Variants in PDK1 observed in about 807,000 individuals in gnomAD.
The protein encoded by PDK1 is pyruvate dehydrogenase kinase 1.
A neutral mutation model predicts 54.2 loss-of-function variants in PDK1; 39 were observed. The ratio of observed to expected loss-of-function variants is 0.72; its 90% CI spans 0.56 to 0.94. The LOEUF is 0.94. Among genes scored for constraint, PDK1 ranks in the 40% least tolerant of loss-of-function variants. PDK1 has a pLI of 0.00. For missense variants in PDK1, 552 were observed against 566.0 expected (o/e 0.98, Z 0.25); for synonymous variants, 221 against 207.1 (o/e 1.07, Z -0.58).
chr2:172,718,575 T>C, the PDK1 span, among the ~76,000 whole-genome samples: 1 of 152,228 alleles, frequency 6.6e-6, no homozygotes, highest in African/African-American at 2.4e-5. Flanking sequence ...TGTGATGTAG[T>C]ATATTGTAGG....
chr2:172,706,697 G>C, the PDK1 span, among the ~76,000 whole-genome samples: 1 of 152,168 alleles, frequency 6.6e-6, no homozygotes, highest in East Asian at 1.9e-4. Flanking sequence ...CCAAAGTGCT[G>C]GGATTACAGA....
the PDK1 span, among the ~76,000 whole-genome samples, chr2:172,621,850 C>T: frequency 0.93 from 106,388 of 114,306 alleles, 49,877 homozygotes; most frequent in Middle Eastern, 0.96. Context: ...ATGTATGATA[C>T]ATGTTTATAT....
Position 172,606,748 on chromosome 2 carries a change from A to C in PDK1, c.*10779A>C, listed in dbSNP as rs987536296. Reference sequence around the variant, plus strand: ...TCTTTCCTTTTTTTTTTAAAAAAAAAAAAAAACCTTTTTCATGTTGAAGTT... The same window carrying C: ...TCTTTCCTTTTTTTTTTAAAAAAAACAAAAAACCTTTTTCATGTTGAAGTT... On this transcript the variant is annotated 3_prime_UTR_variant, in exon 11 of 11. Transcript: ENST00000282077. 24 of 151,928 alleles carry C rather than the reference A, an allele frequency of 1.6e-4. No homozygotes were observed. Among genetic ancestry groups the C allele is most frequent in the African/African-American group, 5.8e-4 (24 of 41,320 alleles). The allele number at this position is 151,928 out of a possible 1,614,324, so 9.4% of individuals were successfully genotyped here. A position where few individuals can be genotyped will look rare whatever the true frequency, so the allele number is the denominator to read the frequency against.
intron 8 of PDK1, among the ~76,000 whole-genome samples, chr2:172,582,105 G>A (rs984350474): frequency 6.6e-6 from 1 of 152,112 alleles, no homozygotes; most frequent in Non-Finnish European, 1.5e-5. Context: ...TAGAGACAGA[G>A]TTTCACCATG....
the PDK1 span, among the ~76,000 whole-genome samples, chr2:172,657,480 TATGTGCAGG>T: frequency 7.4e-6 from 1 of 134,908 alleles, no homozygotes; most frequent in African/African-American, 2.6e-5. Context: ...TGGTTTTTAT[TATGTGCAGG>T]TTGTATTATT....
chr2:172,662,971 T>G, the PDK1 span, among the ~76,000 whole-genome samples: 1 of 152,298 alleles, frequency 6.6e-6, no homozygotes, highest in African/African-American at 2.4e-5. Flanking sequence ...GTGCCTGATG[T>G]GGGGACATAT....
At chr2:172,574,337 C>CT (rs1480165720) in intron 8 of PDK1, among the ~76,000 whole-genome samples, 1 of 152,160 alleles carries the variant, frequency 6.6e-6, no homozygotes, top group African/African-American at 2.4e-5. Context: ...ATGATTGTAG[C>CT]TTTAAGTTTT....
At chr2:172,576,619 AT>A (rs1178460426) in intron 8 of PDK1, among the ~76,000 whole-genome samples, 2 of 151,806 alleles carry the variant, frequency 1.3e-5, no homozygotes, top group Non-Finnish European at 2.9e-5. Flanking sequence ...TACAACTATA[AT>A]TTTACTTTAA....
the PDK1 span, among the ~76,000 whole-genome samples, chr2:172,716,535 G>T: frequency 3.9e-5 from 6 of 151,982 alleles, no homozygotes; most frequent in African/African-American, 1.4e-4. Flanking sequence ...ATGTTGGTCA[G>T]GTTGGTCTCA....
At position 172,572,421 on chromosome 2, in the gene PDK1, C is replaced by T. The variant is rs541155842; in HGVS notation, c.945+1597C>T. 3.9e-5 allele frequency among the ~76,000 whole-genome samples: 6 copies of T among 152,132 alleles called. No individual in the cohort carries two copies. In the Middle Eastern group the frequency reaches 0.01, roughly 259 times the overall value. ...TCATTTTAGAACATTTTCATCAGTC[C>T]TAAGAAAAAACCCAAGTACTCCGTC... is the stretch of plus-strand genomic sequence containing the variant. On this transcript the variant is annotated intron_variant, in intron 8 of 10. Transcript: ENST00000282077.
In PDK1 at chr2:172,599,743, C is replaced by T. The variant is rs370457002; in HGVS notation, c.*3774C>T. 9 of 152,134 alleles carry T rather than the reference C, an allele frequency of 5.9e-5. No homozygotes were observed. Among genetic ancestry groups the T allele is most frequent in the African/African-American group, 1.9e-4 (8 of 41,422 alleles). The allele number at this position is 152,134 out of a possible 1,614,324, so 9.4% of individuals were successfully genotyped here. A position where few individuals can be genotyped will look rare whatever the true frequency, so the allele number is the denominator to read the frequency against. ...AAAGAATTGAACATATGTACCACCC[C>T]CCTCTTTCTAGAGTCTCCACAGTTC... On this transcript the variant is annotated 3_prime_UTR_variant, in exon 11 of 11. Transcript: ENST00000282077.
chr2:172,559,500 T>G (rs866739035), intron 2 of PDK1, among the ~76,000 whole-genome samples: 3 of 152,252 alleles, frequency 2.0e-5, no homozygotes, highest in Non-Finnish European at 4.4e-5. Context: ...TTCAACAACC[T>G]TGCACAGTGG....
chr2:172,662,749 T>C, the PDK1 span, among the ~76,000 whole-genome samples: 1 of 152,152 alleles, frequency 6.6e-6, no homozygotes, highest in Non-Finnish European at 1.5e-5. Flanking sequence ...AGCTAAATAA[T>C]ACATCCTTTT....
chr2:172,711,365 A>G, the PDK1 span, among the ~76,000 whole-genome samples: 1 of 152,310 alleles, frequency 6.6e-6, no homozygotes, highest in African/African-American at 2.4e-5. Context: ...TACATTTCCA[A>G]ATAAAGTAAC....
chr2:172,634,392 C>T, the PDK1 span, among the ~76,000 whole-genome samples: 3 of 150,334 alleles, frequency 2.0e-5, no homozygotes, highest in Non-Finnish European at 4.4e-5. Context: ...CCTGCCTCAG[C>T]CTCCTGAGCA....
chr2:172,654,933 T>A, the PDK1 span, among the ~76,000 whole-genome samples: 2 of 152,154 alleles, frequency 1.3e-5, no homozygotes, highest in African/African-American at 4.8e-5. Flanking sequence ...GCCTGTGAGC[T>A]GCAGGGGATT....
the PDK1 span, among the ~76,000 whole-genome samples, chr2:172,624,513 C>A: frequency 1.3e-5 from 2 of 152,202 alleles, no homozygotes; most frequent in South Asian, 4.1e-4. Context: ...GTTTCATCCC[C>A]AAACCATCCC....
Position 172,586,385 on chromosome 2 carries a change from T to G in PDK1, c.1053T>G (p.Pro351=), listed in dbSNP as rs1391086980. The part of the protein sequence containing the change: ...RPRVETSRAV[P]LAGFGYGLPI... ...GTGTTGAGACCTCCCGCGCAGTGCC[T>G]CTGGTATGTTATCAAGAAATAATGA... Residue 351 remains proline, a synonymous_variant, in exon 9 of 11, where the codon CCT becomes CCG. Transcript: ENST00000282077. 9.6e-6 allele frequency: 15 copies of G among 1,560,460 alleles called. No individual in the cohort carries two copies. The highest frequency in any genetic ancestry group is 1.3e-5 in the Non-Finnish European group (15 of 1,131,542).
the PDK1 span, among the ~76,000 whole-genome samples, chr2:172,637,229 G>A: frequency 2.0e-5 from 3 of 152,108 alleles, no homozygotes; most frequent in South Asian, 6.2e-4. Flanking sequence ...ACCTGTTCTG[G>A]AGCAGCTCCC....
Sources: gnomAD v4.1 joint callset for allele counts (sites outside exome capture counted in the v4.1 genomes callset) on GRCh38, gnomAD v4.1.1 for gene constraint, MANE v1.5 for transcripts, NCBI Gene and HGNC (gene_info 2026-07-23, HGNC 2026-07-21) for gene names.